Variants in WDR7 observed in about 807,000 individuals in gnomAD.
WDR7 encodes WD repeat-containing protein 7.
In WDR7, 46 loss-of-function variants were observed where a neutral mutation model predicts 169.4. That is an observed-to-expected ratio of 0.27 (90% CI 0.21 to 0.35). The LOEUF (loss-of-function observed/expected upper bound fraction) is 0.35. Ranked by LOEUF, WDR7 falls within the 10% of genes least tolerant of loss-of-function variation. The pLI, the probability that WDR7 is intolerant of heterozygous loss-of-function variation, is 1.00. For synonymous variants in WDR7, 612 were observed against 666.8 expected, an observed-to-expected ratio of 0.92 and a Z score of 1.27; for missense variants, 1,534 against 1,859.3, an observed-to-expected ratio of 0.83 and a Z score of 3.22.
At chr18:56,806,303 C>T (rs2044772462) in intron 19 of WDR7, among the ~76,000 whole-genome samples, 1 of 152,164 alleles carries the variant, frequency 6.6e-6, no homozygotes, top group African/African-American at 2.4e-5. Flanking sequence ...GCTCAGAGAA[C>T]AGCCCTACCA....
intron 20 of WDR7, among the ~76,000 whole-genome samples, chr18:56,821,160 G>A (rs2045088040): frequency 1.3e-5 from 2 of 152,224 alleles, no homozygotes; most frequent in South Asian, 4.1e-4. Context: ...TTTTCATGGA[G>A]GGAGGCAGAC....
chr18:56,756,434 A>T lies in WDR7; in HGVS notation c.1990-149A>T, dbSNP rs934871507. On this transcript the variant is annotated intron_variant, in intron 14 of 27. Coordinates refer to ENST00000254442, the MANE Select transcript of WDR7 (RefSeq NM_015285.3). ...TATCTTTTACATGCTGCTGATTGGC[A>T]AAGTTAGTATGTTACTTTTCATGAT... is the stretch of plus-strand genomic sequence containing the variant. The T allele has an allele frequency of 7.5e-6, 5 of 666,240 alleles. No homozygotes were observed. In the Admixed American group the frequency reaches 1.0e-4, roughly 13 times the overall value. 41.3% of individuals were successfully genotyped at this position (666,240 alleles called of 1,614,324 possible).
At chr18:56,869,591 A>T (rs1353984042) in intron 20 of WDR7, among the ~76,000 whole-genome samples, 2 of 152,204 alleles carry the variant, frequency 1.3e-5, no homozygotes, top group Non-Finnish European at 2.9e-5. Context: ...CCGCTAACAC[A>T]AGATTAGCTA....
intron 21 of WDR7, among the ~76,000 whole-genome samples, chr18:56,907,339 A>G (rs2046492622): frequency 1.3e-5 from 2 of 152,198 alleles, no homozygotes; most frequent in Admixed American, 1.3e-4. Context: ...TTAAAATGAC[A>G]ACAGTTATAA....
intron 26 of WDR7, among the ~76,000 whole-genome samples, chr18:57,012,039 G>A (rs1452701420): frequency 2.0e-5 from 3 of 152,178 alleles, no homozygotes; most frequent in Non-Finnish European, 4.4e-5. Context: ...GAGGGAGGCT[G>A]CTGGTGAGAG....
intron 12 of WDR7, among the ~76,000 whole-genome samples, chr18:56,707,870 G>A (rs897247718): frequency 1.3e-5 from 2 of 152,010 alleles, no homozygotes; most frequent in African/African-American, 4.8e-5. Context: ...AGCATATTGT[G>A]TTCTGTTAAT....
chr18:56,883,187 G>A (rs2046135890), intron 21 of WDR7, among the ~76,000 whole-genome samples: 2 of 149,060 alleles, frequency 1.3e-5, no homozygotes, highest in African/African-American at 5.0e-5. Context: ...TCCAGCCTGG[G>A]CGACAGAGCG....
chr18:56,737,559 C>T (rs190873965), intron 14 of WDR7, among the ~76,000 whole-genome samples: 86 of 152,108 alleles, frequency 5.7e-4, no homozygotes, highest in Admixed American at 5.0e-3. Context: ...CTCATGTTGT[C>T]TAATTAGTCA....
In WDR7 at chr18:56,816,068, G is replaced by A. The variant is rs1034316966; in HGVS notation, c.3228G>A (p.Thr1076=). The change falls in exon 20 of 28, where the codon ACG becomes ACA. Residue 1076 remains threonine (T), a synonymous_variant. Transcript: ENST00000254442. ...CAGAAGCCGCGCAGACTATCACCAC[G>A]GCTCCTGATGCCTCAGGGCCTGAAG... is the stretch of plus-strand genomic sequence containing the variant. ...VTSEAAQTIT[T]APDASGPEAK... 1.1e-5 allele frequency: 18 copies of A among 1,613,436 alleles called. No individual in the cohort carries two copies. The highest frequency in any genetic ancestry group is 3.3e-5 in the Admixed American group (2 of 59,866).
chr18:56,678,531 C>G (rs988527148), intron 2 of WDR7, among the ~76,000 whole-genome samples: 1 of 151,828 alleles, frequency 6.6e-6, no homozygotes, highest in Non-Finnish European at 1.5e-5. Flanking sequence ...GAGTCTCACT[C>G]TGTCCCCCAA....
intron 1 of WDR7, among the ~76,000 whole-genome samples, chr18:56,664,306 G>A (rs2024971850): frequency 6.6e-6 from 1 of 152,106 alleles, no homozygotes; most frequent in African/African-American, 2.4e-5. Context: ...GGAAATGGAA[G>A]CACCAAGTTA....
At chr18:56,803,859 C>T (rs573255779) in intron 19 of WDR7, among the ~76,000 whole-genome samples, 7 of 152,250 alleles carry the variant, frequency 4.6e-5, no homozygotes, top group East Asian at 1.9e-4. Flanking sequence ...TGGAGTGTAG[C>T]GGTGCCATCA....
intron 12 of WDR7, among the ~76,000 whole-genome samples, chr18:56,717,475 T>C (rs867843388): frequency 3.9e-5 from 6 of 152,306 alleles, no homozygotes; most frequent in Middle Eastern, 6.8e-3. Context: ...CTATGACTCC[T>C]AAGAAATGAT....
intron 20 of WDR7, among the ~76,000 whole-genome samples, chr18:56,861,205 A>G (rs1039575912): frequency 6.6e-6 from 1 of 152,250 alleles, no homozygotes; most frequent in African/African-American, 2.4e-5. Context: ...ATTGCAGCAT[A>G]TAATAGCTAT....
chr18:57,020,097 A>C (rs1018936026), intron 26 of WDR7, among the ~76,000 whole-genome samples: 1 of 152,232 alleles, frequency 6.6e-6, no homozygotes, highest in African/African-American at 2.4e-5. Context: ...TGGTTAAATC[A>C]ATGATAGCTA....
chr18:56,689,659 C>T (rs1481697098), intron 7 of WDR7, among the ~76,000 whole-genome samples: 7 of 152,040 alleles, frequency 4.6e-5, no homozygotes, highest in African/African-American at 1.7e-4. Context: ...GTCAGATGGA[C>T]CCCCCCAGTT....
At chr18:56,676,478 T>A (rs983899958) in intron 2 of WDR7, among the ~76,000 whole-genome samples, 2 of 152,208 alleles carry the variant, frequency 1.3e-5, no homozygotes, top group Non-Finnish European at 2.9e-5. Flanking sequence ...CAGGTCTTCC[T>A]TTCAGTGATG....
At chr18:56,774,911 A>C (rs1266615532) in intron 16 of WDR7, among the ~76,000 whole-genome samples, 1 of 152,106 alleles carries the variant, frequency 6.6e-6, no homozygotes, top group East Asian at 1.9e-4. Flanking sequence ...TTCTAAATGA[A>C]ATGTCATTTA....
intron 20 of WDR7, among the ~76,000 whole-genome samples, chr18:56,838,672 A>G (rs1423385380): frequency 6.6e-6 from 1 of 152,182 alleles, no homozygotes; most frequent in Admixed American, 6.5e-5. Context: ...CCTGTATTTT[A>G]AGGTCAGTCA....
Sources: allele counts gnomAD v4.1 joint callset (sites outside exome capture counted in the v4.1 genomes callset), GRCh38; gene constraint gnomAD v4.1.1; transcripts MANE v1.5; gene names NCBI Gene and HGNC (gene_info 2026-07-23, HGNC 2026-07-21).